ZNF217: variants seen among roughly 807,000 people sequenced by gnomAD.
ZNF217 encodes the protein zinc finger protein 217.
A neutral mutation model predicts 73.3 loss-of-function variants in ZNF217; 12 were observed. The observed-to-expected ratio is 0.16, with a 90% CI of 0.10 to 0.27. The LOEUF (loss-of-function observed/expected upper bound fraction) is 0.27. Among genes scored for constraint, ZNF217 ranks in the 10% least tolerant of loss-of-function variants. ZNF217 has a pLI of 1.00. For missense variants in ZNF217, 1,195 were observed against 1,327.8 expected (o/e 0.90, Z 1.55); for synonymous variants, 588 against 516.4 (o/e 1.14, Z -1.88).
intron 1 of ZNF217, among the ~76,000 whole-genome samples, chr20:53,593,224 C>G (rs1600733482): frequency 6.6e-6 from 1 of 152,226 alleles, no homozygotes; most frequent in East Asian, 1.9e-4. Context: ...TCCGCCCGGC[C>G]CGAGTGGACC....
In ZNF217 at chr20:53,576,715, G is replaced by A. The variant is rs756361863; in HGVS notation, c.2049C>T (p.His683=). The A allele has an allele frequency of 3.4e-5, 55 of 1,614,066 alleles. No homozygotes were observed. The Admixed American group carries it at 4.7e-4, about 14-fold the overall frequency. ...CCACGGATAAATTTAAAGGTTTTTC[G>A]TGACAATCCACACTTGGCCTGTATC... ...DCRYRPSVDC[H]EKPLNLSVGA... The change falls in exon 4 of 6, where the codon CAC becomes CAT. Residue 683 remains histidine, a synonymous_variant. Transcript: ENST00000371471.
chr20:53,581,224 A>T lies in ZNF217; in HGVS notation c.1366+237T>A, dbSNP rs1022115548. On this transcript the variant is annotated intron_variant, in intron 2 of 5. Transcript: ENST00000371471. This position sits in a 1 kb window ranked among gnomAD's most constrained non-coding sequence, Gnocchi z 4.9. Reference sequence around the variant, plus strand: ...ATACACGTTTAAAAAATATATATATATTTTCAGAACAAGGAGACCTCTTAA... The same window carrying T: ...ATACACGTTTAAAAAATATATATATTTTTTCAGAACAAGGAGACCTCTTAA... Among the ~76,000 whole-genome samples, 29 of 152,088 alleles carry T rather than the reference A, an allele frequency of 1.9e-4. 1 individual carries two copies. Among genetic ancestry groups the T allele is most frequent in the Admixed American group, 1.5e-3 (23 of 15,270 alleles).
In ZNF217 at chr20:53,568,967, G is replaced by A. The variant is rs1987865081; in HGVS notation, c.*321C>T. 1.1e-5 allele frequency: 2 copies of A among 188,874 alleles called. No homozygotes were observed. Among genetic ancestry groups the A allele is most frequent in the South Asian group, 1.5e-4 (1 of 6,686 alleles). 11.7% of individuals were successfully genotyped at this position (188,874 alleles called of 1,614,324 possible). ...ATGATTTCTTTTCAGCAGCGCTCAA[G>A]TATGCAAAAATTCCACTTCTTATTT... On this transcript the variant is annotated 3_prime_UTR_variant, in exon 6 of 6. Transcript: ENST00000371471.
chr20:53,573,017 ACCACCCGCCCCCACCACC>A (rs1204625584), intron 4 of ZNF217, among the ~76,000 whole-genome samples: 1 of 151,986 alleles, frequency 6.6e-6, no homozygotes, highest in African/African-American at 2.4e-5. Flanking sequence ...TGGCTCCAGG[ACCACCCGCCCCCACCACC>A]CCAGCCAACA....
chr20:53,587,513 A>G (rs1001106087), intron 1 of ZNF217, among the ~76,000 whole-genome samples: 14 of 152,220 alleles, frequency 9.2e-5, no homozygotes, highest in African/African-American at 3.1e-4. Flanking sequence ...TTAACAGGTT[A>G]TCTTACATTG....
rs193070724 is a variant in ZNF217 at position 53,580,948 on chromosome 20, A to G, written c.1366+513T>C. Among the ~76,000 whole-genome samples, 970 of 152,288 alleles carry G rather than the reference A, an allele frequency of 6.4e-3. 9 individuals are homozygous for G. Among genetic ancestry groups the G allele is most frequent in the African/African-American group, 0.022 (901 of 41,540 alleles). On this transcript the variant is annotated intron_variant, in intron 2 of 5. Transcript: ENST00000371471. ...GCTAGGGTCTCTCAATGCTCAAACTATTGACATTTGGGACCAGATAATTCT... is the reference window on the plus strand; with the variant it reads ...GCTAGGGTCTCTCAATGCTCAAACTGTTGACATTTGGGACCAGATAATTCT...
rs910664788 is a variant in ZNF217 at position 53,583,105 on chromosome 20, A to G, written c.-279T>C. On this transcript the variant is annotated 5_prime_UTR_variant, in exon 2 of 6. Transcript: ENST00000371471. ...GCATTAGTTCTCTTTGTCTCCATTG[A>G]ATGAGTGTTTCAATTGAGCAAGAAG... is the stretch of plus-strand genomic sequence containing the variant. 2 of 421,714 alleles carry G rather than the reference A, an allele frequency of 4.7e-6. No homozygotes were observed. Among genetic ancestry groups the G allele is most frequent in the African/African-American group, 4.1e-5 (2 of 48,914 alleles). The allele number at this position is 421,714 out of a possible 1,614,324, so 26.1% of individuals were successfully genotyped here.
intron 3 of ZNF217, 137 bp from the exon 4 acceptor site, chr20:53,577,417 G>A (rs1183373773): frequency 1.3e-6 from 1 of 774,024 alleles, no homozygotes; most frequent in Admixed American, 3.0e-5. Flanking sequence ...TTTCTCATCA[G>A]TTCTTTATCA....
intron 1 of ZNF217, among the ~76,000 whole-genome samples, chr20:53,589,068 AC>A (rs1338302623): frequency 6.6e-6 from 1 of 152,244 alleles, no homozygotes; most frequent in African/African-American, 2.4e-5. Context: ...TCTAGAGTCT[AC>A]ATTTCCAGTC....
chr20:53,588,649 CACT>C (rs1988785431), intron 1 of ZNF217, among the ~76,000 whole-genome samples: 1 of 151,582 alleles, frequency 6.6e-6, no homozygotes, highest in Admixed American at 6.6e-5. Context: ...CAACTATGCC[CACT>C]ACTAGACCAC....
At position 53,568,618 on chromosome 20, in the gene ZNF217, A is replaced by G. The variant is rs1268350889; in HGVS notation, c.*670T>C. ...CTGAGATGCTCAAAGTTGCGATAAA[A>G]TGCTGCCAGCTTCCGAATGGCTGAC... On this transcript the variant is annotated 3_prime_UTR_variant, in exon 6 of 6. Coordinates refer to ENST00000371471, the MANE Select transcript of ZNF217 (RefSeq NM_006526.3). 6.6e-6 allele frequency: 1 copy of G among 152,190 alleles called. No individual in the cohort carries two copies. Among genetic ancestry groups the G allele is most frequent in the Admixed American group, 6.6e-5 (1 of 15,266 alleles). 9.4% of individuals were successfully genotyped at this position (152,190 alleles called of 1,614,324 possible).
At chr20:53,575,480 A>G (rs1383468458) in intron 4 of ZNF217, 1 of 406,790 alleles carries the variant, frequency 2.5e-6, no homozygotes, top group Non-Finnish European at 4.4e-6. Flanking sequence ...CTCTAAAAAT[A>G]AAGTAAGACT....
chr20:53,588,508 TAA>T (rs1988774391), intron 1 of ZNF217, among the ~76,000 whole-genome samples: 1 of 151,906 alleles, frequency 6.6e-6, no homozygotes, highest in African/African-American at 2.4e-5. Flanking sequence ...TTCAGCAAAT[TAA>T]TTAACTGTTA....
At position 53,568,980 on chromosome 20, in the gene ZNF217, C is replaced by T; in HGVS notation, c.*308G>A. The T allele has an allele frequency of 2.4e-6, 1 of 418,604 alleles. No individual in the cohort carries two copies. Among genetic ancestry groups the T allele is most frequent in the Middle Eastern group, 7.1e-4 (1 of 1,412 alleles). 25.9% of individuals were successfully genotyped at this position (418,604 alleles called of 1,614,324 possible). On this transcript the variant is annotated 3_prime_UTR_variant, in exon 6 of 6. Transcript: ENST00000371471. ...AGCAGCGCTCAAGTATGCAAAAATTCCACTTCTTATTTGGTCAATTCTAAG... is the reference window on the plus strand; with the variant it reads ...AGCAGCGCTCAAGTATGCAAAAATTTCACTTCTTATTTGGTCAATTCTAAG...
In ZNF217 at chr20:53,567,395, T is replaced by TA. The variant is rs1181235895; in HGVS notation, c.*1892dup. On this transcript the variant is annotated 3_prime_UTR_variant, in exon 6 of 6. Transcript: ENST00000371471. ...ATTTTTATACATTCAGAAATGTGGT[T>TA]AAAAAGAGAAATCTGAAAGCCCAAA... 1.3e-5 allele frequency: 2 copies of TA among 152,632 alleles called. No individual in the cohort carries two copies. Among genetic ancestry groups the TA allele is most frequent in the Non-Finnish European group, 2.9e-5 (2 of 68,028 alleles). 9.5% of individuals were successfully genotyped at this position (152,632 alleles called of 1,614,324 possible). A position where few individuals can be genotyped will look rare whatever the true frequency, so the allele number is the denominator to read the frequency against.
chr20:53,569,720 T>C (rs1335691091), intron 5 of ZNF217, among the ~76,000 whole-genome samples: 1 of 152,160 alleles, frequency 6.6e-6, no homozygotes, highest in East Asian at 1.9e-4. Context: ...GCTATGAAAG[T>C]ATTAGGAGAA....
At chr20:53,584,535 T>C (rs551189015) in intron 1 of ZNF217, among the ~76,000 whole-genome samples, 4 of 152,370 alleles carry the variant, frequency 2.6e-5, no homozygotes, top group African/African-American at 9.6e-5. Context: ...TTTGTTGCTA[T>C]CACAATGGAG....
At chr20:53,589,533 TG>T (rs1232397507) in intron 1 of ZNF217, among the ~76,000 whole-genome samples, 3 of 152,266 alleles carry the variant, frequency 2.0e-5, no homozygotes, top group Non-Finnish European at 4.4e-5. Flanking sequence ...CCTATTTATC[TG>T]GAAGATAGAT....
In ZNF217 at chr20:53,576,984, G is replaced by C. The variant is rs745786324; in HGVS notation, c.1780C>G (p.Pro594Ala). ...AAATCCTGAGTATCTTTGTGTGCTG[G>C]TGAGAGGACAGCGCTGCCCAGAACA... The part of the protein sequence containing the change: ...QNVLGSAVLS[P>A]AHKDTQDFHK... Residue 594 changes from proline to alanine, a missense_variant, in exon 4 of 6, where the codon CCA becomes GCA. Pro to Ala is a conservative substitution (Grantham distance 27). Coordinates refer to ENST00000371471, the MANE Select transcript of ZNF217 (RefSeq NM_006526.3). The C allele has an allele frequency of 1.1e-5, 18 of 1,614,062 alleles. No homozygotes were observed. The highest frequency in any genetic ancestry group is 1.5e-5 in the Non-Finnish European group (18 of 1,180,058).
Sources: gnomAD v4.1 joint callset for allele counts (sites outside exome capture counted in the v4.1 genomes callset) on GRCh38, gnomAD v4.1.1 for gene constraint, Gnocchi (gnomAD v3.1) non-coding constraint, MANE v1.5 for transcripts, NCBI Gene and HGNC (gene_info 2026-07-23, HGNC 2026-07-21) for gene names.